HK1: variants seen among roughly 807,000 people sequenced by gnomAD.
The protein encoded by HK1 is hexokinase 1.
Under a neutral mutation model 91.6 loss-of-function variants are expected in HK1, and 28 were observed. The ratio of observed to expected loss-of-function variants is 0.31; its 90% confidence interval spans 0.23 to 0.42. HK1 has a LOEUF of 0.42. Among genes scored for constraint, HK1 ranks in the 10% least tolerant of loss-of-function variants. The pLI, the probability that HK1 is intolerant of heterozygous loss-of-function variation, is 1.00. For missense variants in HK1, 770 were observed against 1,219.8 expected (o/e 0.63, Z 5.49); for synonymous variants, 430 against 468.1 (o/e 0.92, Z 1.05).
chr10:69,276,154 CTATATT>C (rs1844459338), intron 1 of HK1, among the ~76,000 whole-genome samples: 2 of 106,510 alleles, frequency 1.9e-5, no homozygotes, highest in Admixed American at 1.3e-4. Context: ...TATATATATT[CTATATT>C]AAATAAGTAA....
upstream of HK1, chr10:69,318,189 G>C (rs976551744): frequency 2.0e-6 from 2 of 985,350 alleles, no homozygotes; most frequent in African/African-American, 3.5e-5. Context: ...CTGGAGATTA[G>C]GCGGGGCACG....
chr10:69,324,275 G>A (rs1847202498), intron 1 of HK1, among the ~76,000 whole-genome samples: 1 of 152,118 alleles, frequency 6.6e-6, no homozygotes, highest in African/African-American at 2.4e-5. Flanking sequence ...AGGCAGAAAC[G>A]GTCCCAGTTC....
intron 5 of HK1, among the ~76,000 whole-genome samples, chr10:69,307,289 G>A (rs1846151417): frequency 6.6e-6 from 1 of 152,040 alleles, no homozygotes. Context: ...CCACCCCCCG[G>A]GGGAGGGCAA....
intron 1 of HK1, among the ~76,000 whole-genome samples, chr10:69,331,757 T>A (rs927260294): frequency 3.3e-5 from 5 of 152,008 alleles, no homozygotes; most frequent in African/African-American, 1.2e-4. Context: ...ACATCTATGG[T>A]CCCAGCCACT....
chr10:69,300,782 C>T, exon 5 of HK1: 1 of 1,596,048 alleles, frequency 6.3e-7, no homozygotes, highest in South Asian at 1.1e-5. Context: ...TGTTGATGCT[C>T]TTGAGAGCAT....
rs775763125 is a variant in HK1 at position 69,401,110 on chromosome 10, G to C, written c.2729G>C (p.Arg910Pro). 1 of 1,613,912 alleles carries C rather than the reference G, an allele frequency of 6.2e-7. No individual in the cohort carries two copies. The highest frequency in any genetic ancestry group is 1.3e-5 in the African/African-American group (1 of 74,944). The change falls in exon 18 of 18, where the codon CGG (arginine) becomes CCG (proline). Residue 910 changes from arginine to proline, a missense_variant. By Grantham distance (103) the Arg-to-Pro change is moderately radical (BLOSUM62 -2). Transcript: ENST00000359426. ...GCCCTCATCACGGCCGTGGGCGTGC[G>C]GTTACGCACAGAGGCAAGCAGCTAA... ...GAALITAVGVRLRTEASS is the reference protein window; with the variant it reads ...GAALITAVGVPLRTEASS
chr10:69,276,138 T>TATATATATATATAC lies in HK1; in HGVS notation c.-391+6031_-391+6032insTATATATATATACA, dbSNP rs753204633. 3.7e-3 allele frequency among the ~76,000 whole-genome samples: 285 copies of TATATATATATATAC among 76,314 alleles called. 13 individuals are homozygous for TATATATATATATAC. Among genetic ancestry groups the TATATATATATATAC allele is most frequent in the Middle Eastern group, 0.02 (2 of 100 alleles). The allele number at this position is 76,314 out of a possible 152,430, so 50.1% of individuals were successfully genotyped here. On this transcript the variant is annotated intron_variant, in intron 1 of 21. Coordinates refer to the HK1 transcript ENST00000360289. Reference sequence around the variant, plus strand: ...AAAAAAATACATATATATATATATATACACATATATATATTCTATATTAAA... The same window carrying TATATATATATATAC: ...AAAAAAATACATATATATATATATATATATATATATATACACACATATATATATTCTATATTAAA...
intron 3 of HK1, among the ~76,000 whole-genome samples, chr10:69,361,881 G>A (rs1332636405): frequency 6.6e-6 from 1 of 151,946 alleles, no homozygotes; most frequent in Non-Finnish European, 1.5e-5. Context: ...GCAGTGGCGC[G>A]ATCTCAGCTC....
intron 5 of HK1, among the ~76,000 whole-genome samples, chr10:69,304,665 C>T (rs544949562): frequency 9.9e-5 from 15 of 152,246 alleles, no homozygotes; most frequent in South Asian, 6.2e-4. Context: ...AGCCTATGAC[C>T]GGGAATGAAC....
intron 7 of HK1, among the ~76,000 whole-genome samples, chr10:69,374,245 C>T (rs1850169444): frequency 6.6e-6 from 1 of 152,166 alleles, no homozygotes; most frequent in Non-Finnish European, 1.5e-5. Flanking sequence ...CTGAAGCAGA[C>T]CCAGGGTGCT....
intron 3 of HK1, among the ~76,000 whole-genome samples, chr10:69,292,524 C>A (rs1845340682): frequency 6.6e-6 from 1 of 152,262 alleles, no homozygotes; most frequent in African/African-American, 2.4e-5. Flanking sequence ...ACTTCAGTCT[C>A]CTTCCTTATA....
intron 1 of HK1, among the ~76,000 whole-genome samples, chr10:69,274,720 A>G (rs1014707400): frequency 1.3e-5 from 2 of 151,986 alleles, no homozygotes; most frequent in African/African-American, 4.8e-5. Context: ...CTGAATTTCA[A>G]TCTAGCCTTC....
At chr10:69,325,054 T>TTTC (rs1847255855) in intron 1 of HK1, among the ~76,000 whole-genome samples, 1 of 144,732 alleles carries the variant, frequency 6.9e-6, no homozygotes, top group African/African-American at 2.6e-5. Flanking sequence ...ATTTTTTTTT[T>TTTC]TTTTTTTTTT....
chr10:69,319,100 G>T (rs1846850314), intron 1 of HK1, 90 bp downstream of exon 1: 6 of 1,453,898 alleles, frequency 4.1e-6, no homozygotes, highest in Middle Eastern at 4.6e-4. Flanking sequence ...ATCCTCCGGC[G>T]CCCGGCCTTC....
chr10:69,392,702 G>A (rs980975048), intron 15 of HK1, among the ~76,000 whole-genome samples: 1 of 152,086 alleles, frequency 6.6e-6, no homozygotes, highest in Admixed American at 6.5e-5. Flanking sequence ...TGAGCCTCCT[G>A]CACCACCTAG....
intron 8 of HK1, among the ~76,000 whole-genome samples, chr10:69,378,652 T>C (rs558635494): frequency 6.6e-6 from 1 of 152,290 alleles, no homozygotes; most frequent in South Asian, 2.1e-4. Context: ...ACTCCTGACC[T>C]CAGGTGACCC....
intron 13 of HK1, 137 bp downstream of exon 13, chr10:69,386,555 G>A (rs980768106): frequency 7.0e-5 from 43 of 615,706 alleles, no homozygotes; most frequent in Non-Finnish European, 1.0e-4. Context: ...AGGCCGAGGC[G>A]GGTGGATCAT....
chr10:69,396,349 T>C lies in HK1; in HGVS notation c.2375+1244T>C, dbSNP rs1368715317. 3.3e-5 allele frequency among the ~76,000 whole-genome samples: 5 copies of C among 152,040 alleles called. No homozygotes were observed. In the East Asian group the frequency reaches 9.6e-4, roughly 29 times the overall value. On this transcript the variant is annotated intron_variant, in intron 16 of 17. Transcript: ENST00000359426. ...AAAAAAACCTAACAAGCCTATACAC[T>C]GCTCTTACCCAGGCAAAATGGTTTT... is the stretch of plus-strand genomic sequence containing the variant.
chr10:69,367,606 G>A (rs1849773186), intron 4 of HK1, among the ~76,000 whole-genome samples: 1 of 152,084 alleles, frequency 6.6e-6, no homozygotes, highest in Non-Finnish European at 1.5e-5. Flanking sequence ...TTCTCATCAA[G>A]GGCTGCCCTC....
Sources: gnomAD v4.1 joint callset for allele counts (sites outside exome capture counted in the v4.1 genomes callset) on GRCh38, gnomAD v4.1.1 for gene constraint, MANE v1.5 for transcripts, NCBI Gene and HGNC (gene_info 2026-07-23, HGNC 2026-07-21) for gene names.